Variants in COA1 observed in about 807,000 individuals in gnomAD.
The protein encoded by COA1 is cytochrome c oxidase assembly factor 1 homolog.
Under a neutral mutation model 16.0 loss-of-function variants are expected in COA1, and 13 were observed. The observed-to-expected ratio is 0.81, with a 90% CI of 0.53 to 1.29. The LOEUF (loss-of-function observed/expected upper bound fraction) is 1.29. Among genes scored for constraint, COA1 ranks in the 50% most tolerant of loss-of-function variants. The pLI is 0.00. For synonymous variants in COA1, 65 were observed against 65.7 expected, an observed-to-expected ratio of 0.99 and a Z score of 0.05; for missense variants, 179 against 177.0, an observed-to-expected ratio of 1.01 and a Z score of -0.06.
intron 1 of COA1, among the ~76,000 whole-genome samples, chr7:43,702,348 G>A (rs1195718625): frequency 6.6e-6 from 1 of 152,068 alleles, no homozygotes; most frequent in Non-Finnish European, 1.5e-5. Context: ...TATTGAATAG[G>A]GGACTCTTTT....
chr7:43,714,312 T>C (rs144661420), intron 1 of COA1, among the ~76,000 whole-genome samples: 180 of 152,250 alleles, frequency 1.2e-3, no homozygotes, highest in African/African-American at 4.2e-3. Context: ...TTATTACTAG[T>C]ATGAACCAAT....
At chr7:43,706,103 T>C (rs2094961530) in intron 1 of COA1, among the ~76,000 whole-genome samples, 2 of 152,168 alleles carry the variant, frequency 1.3e-5, no homozygotes, top group South Asian at 4.1e-4. Context: ...AAAATTATTG[T>C]TAAAGAATAA....
chr7:43,640,836 G>T, intron 4 of COA1, 187 bp from the exon 5 acceptor site: 1 of 526,994 alleles, frequency 1.9e-6, no homozygotes, highest in Non-Finnish European at 3.3e-6. Context: ...CCCCTCTTTG[G>T]TTGGCTGGTA....
chr7:43,640,879 G>A (rs2086871033), intron 4 of COA1: 2 of 465,070 alleles, frequency 4.3e-6, no homozygotes, highest in South Asian at 2.9e-5. Flanking sequence ...TTGGCAAGGA[G>A]GACTCCTATG....
At chr7:43,645,551 T>C (rs10263142) in intron 3 of COA1, 152 bp from the exon 4 acceptor site, 118,430 of 680,572 alleles carry the variant, frequency 0.17, 11,865 homozygotes, top group Non-Finnish European at 0.21. Flanking sequence ...CTACTCTAAA[T>C]TGTCCATTTT....
intron 6 of COA1, among the ~76,000 whole-genome samples, chr7:43,610,021 A>G (rs2082708341): frequency 6.6e-6 from 1 of 152,256 alleles, no homozygotes; most frequent in Non-Finnish European, 1.5e-5. Flanking sequence ...GGCGAGGCTT[A>G]AACTTCAGGC....
At chr7:43,627,564 T>C (rs937951464) in intron 6 of COA1, among the ~76,000 whole-genome samples, 6 of 152,170 alleles carry the variant, frequency 3.9e-5, no homozygotes, top group Admixed American at 3.9e-4. Context: ...CTAAATACAT[T>C]TTAAACTCAC....
intron 1 of COA1, among the ~76,000 whole-genome samples, chr7:43,698,176 T>C (rs188866270): frequency 6.6e-6 from 1 of 152,278 alleles, no homozygotes; most frequent in Admixed American, 6.5e-5. Context: ...CAAAACACAT[T>C]TATGGCATCA....
chr7:43,619,161 T>C (rs1187453127), intron 6 of COA1, among the ~76,000 whole-genome samples: 1 of 152,164 alleles, frequency 6.6e-6, no homozygotes, highest in Non-Finnish European at 1.5e-5. Flanking sequence ...TCTTTGATTA[T>C]TGAAGTTATT....
chr7:43,649,644 T>C (rs2090351123), intron 1 of COA1: 1 of 152,176 alleles, frequency 6.6e-6, no homozygotes, highest in African/African-American at 2.4e-5. Flanking sequence ...ATTAAACAAA[T>C]AATTATAACA....
At chr7:43,644,572 G>A (rs1005324548) in intron 4 of COA1, among the ~76,000 whole-genome samples, 2 of 151,686 alleles carry the variant, frequency 1.3e-5, no homozygotes, top group African/African-American at 4.9e-5. Context: ...TGTCACCCAG[G>A]ATGGAGTGCA....
At chr7:43,706,219 C>T (rs1423817273) in intron 1 of COA1, among the ~76,000 whole-genome samples, 1 of 152,048 alleles carries the variant, frequency 6.6e-6, no homozygotes, top group Non-Finnish European at 1.5e-5. Flanking sequence ...CATTTTGATT[C>T]AAAAGCTAAA....
At chr7:43,717,889 T>C (rs2095426976) in intron 1 of COA1, among the ~76,000 whole-genome samples, 1 of 152,214 alleles carries the variant, frequency 6.6e-6, no homozygotes, top group Non-Finnish European at 1.5e-5. Flanking sequence ...GTTTCCACTT[T>C]GCATCTTTCT....
intron 6 of COA1, chr7:43,623,898 AT>A (rs746146781): frequency 9.5e-6 from 14 of 1,478,750 alleles, no homozygotes; most frequent in Non-Finnish European, 1.2e-5. Context: ...AGTAAGTATT[AT>A]TTTTATTAGT....
chr7:43,691,181 T>C (rs762797562), intron 1 of COA1, among the ~76,000 whole-genome samples: 11 of 149,062 alleles, frequency 7.4e-5, no homozygotes, highest in Non-Finnish European at 1.6e-4. Context: ...GCCAGGAGTT[T>C]GGGGCTGCAG....
At chr7:43,716,903 T>C (rs922688564) in intron 1 of COA1, among the ~76,000 whole-genome samples, 1 of 152,192 alleles carries the variant, frequency 6.6e-6, no homozygotes. Flanking sequence ...GAGCTTGGGT[T>C]GTGGCTTCAG....
At chr7:43,727,162 A>G (rs1352453061) in intron 1 of COA1, among the ~76,000 whole-genome samples, 2 of 152,232 alleles carry the variant, frequency 1.3e-5, no homozygotes, top group Non-Finnish European at 2.9e-5. Context: ...TGAAAACACA[A>G]TGACACACAC....
At chr7:43,686,227 ACT>A (rs1254073688) in intron 1 of COA1, among the ~76,000 whole-genome samples, 1 of 151,640 alleles carries the variant, frequency 6.6e-6, no homozygotes, top group East Asian at 1.9e-4. Context: ...TAATGAATAA[ACT>A]CTCTTCTGTT....
intron 1 of COA1, among the ~76,000 whole-genome samples, chr7:43,715,006 T>TA (rs755827781): frequency 0.027 from 2,601 of 95,556 alleles, 45 homozygotes; most frequent in Middle Eastern, 0.037. Flanking sequence ...GCCTCTTGTC[T>TA]AAAAAAAAAA....
Sources: allele counts gnomAD v4.1 joint callset (sites outside exome capture counted in the v4.1 genomes callset), GRCh38; gene constraint gnomAD v4.1.1; transcripts MANE v1.5; gene names NCBI Gene and HGNC (gene_info 2026-07-23, HGNC 2026-07-21).